The following CDH18 variants were observed in gnomAD, a reference collection of about 807,000 sequenced individuals.
CDH18 encodes cadherin 18.
A neutral mutation model predicts 67.9 loss-of-function variants in CDH18; 31 were observed. That is an observed-to-expected ratio of 0.46 (90% CI 0.34 to 0.62). The LOEUF is 0.62. Among genes scored for constraint, CDH18 ranks in the 20% least tolerant of loss-of-function variants. The pLI is 0.01. For synonymous variants in CDH18, 362 were observed against 347.2 expected, an observed-to-expected ratio of 1.04 and a Z score of -0.48; for missense variants, 890 against 975.5, an observed-to-expected ratio of 0.91 and a Z score of 1.17.
At chr5:19,931,343 A>G (rs999440133) in intron 2 of CDH18, among the ~76,000 whole-genome samples, 2 of 151,956 alleles carry the variant, frequency 1.3e-5, no homozygotes, top group Non-Finnish European at 1.5e-5. Flanking sequence ...TCTGTCTTAC[A>G]GTTCCTAAAT....
At position 19,590,953 on chromosome 5, in the gene CDH18, C is replaced by A. The variant is rs149882429; in HGVS notation, c.999+104G>T. 292 of 592,242 alleles carry A rather than the reference C, an allele frequency of 4.9e-4. 1 individual carries two copies. The African/African-American group carries it at 5.0e-3, about 10-fold the overall frequency. The allele number at this position is 592,242 out of a possible 1,614,324, so 36.7% of individuals were successfully genotyped here. A position where few individuals can be genotyped will look rare whatever the true frequency, so the allele number is the denominator to read the frequency against. On this transcript the variant is annotated intron_variant, in intron 7 of 12. Transcript: ENST00000382275. ...ATATCGCAAAGTGACAATATTTTAT[C>A]ATTTTAATGGCCTGACAGCGTGGAT...
intron 5 of CDH18, among the ~76,000 whole-genome samples, chr5:19,629,006 T>C (rs1374014587): frequency 2.0e-5 from 3 of 151,892 alleles, no homozygotes; most frequent in Non-Finnish European, 2.9e-5. Flanking sequence ...TTGCGATAAA[T>C]GCTGTTGCTA....
intron 1 of CDH18, among the ~76,000 whole-genome samples, chr5:20,461,087 C>T (rs1359000154): frequency 6.6e-6 from 1 of 152,180 alleles, no homozygotes; most frequent in Non-Finnish European, 1.5e-5. Flanking sequence ...AGCATCTGCT[C>T]TCCCTGACCT....
intron 3 of CDH18, among the ~76,000 whole-genome samples, chr5:19,764,353 A>G (rs943119666): frequency 3.3e-5 from 5 of 152,098 alleles, no homozygotes; most frequent in Admixed American, 2.0e-4. Flanking sequence ...AGAACTACCC[A>G]TAATTTGTTG....
chr5:20,150,372 C>T (rs113830524), intron 2 of CDH18, among the ~76,000 whole-genome samples: 47 of 151,984 alleles, frequency 3.1e-4, no homozygotes, highest in African/African-American at 1.1e-3. Context: ...AAAAAAGAGA[C>T]AGTAACATCA....
At chr5:20,566,935 C>T (rs1758546934) in intron 1 of CDH18, among the ~76,000 whole-genome samples, 1 of 152,152 alleles carries the variant, frequency 6.6e-6, no homozygotes, top group South Asian at 2.1e-4. Flanking sequence ...ATTACTTGTA[C>T]TCCAATTACC....
At chr5:20,403,272 T>A (rs565862533) in intron 1 of CDH18, among the ~76,000 whole-genome samples, 1 of 151,086 alleles carries the variant, frequency 6.6e-6, no homozygotes, top group African/African-American at 2.4e-5. Context: ...ATAGCCTTAA[T>A]TTTTTTTTTC....
At chr5:19,612,307 G>T in intron 6 of CDH18, 127 bp downstream of exon 6, 1 of 818,746 alleles carries the variant, frequency 1.2e-6, no homozygotes, top group Non-Finnish European at 1.9e-6. Context: ...GAAGAAGGGT[G>T]ATCATATAGT....
intron 8 of CDH18, among the ~76,000 whole-genome samples, chr5:19,570,336 CT>C (rs1741176378): frequency 6.6e-6 from 1 of 152,108 alleles, no homozygotes; most frequent in Non-Finnish European, 1.5e-5. Flanking sequence ...CAAGCATTAT[CT>C]AGCTCTTGCT....
chr5:19,497,438 A>G (rs2126717665), intron 11 of CDH18, among the ~76,000 whole-genome samples: 1 of 152,256 alleles, frequency 6.6e-6, no homozygotes, highest in African/African-American at 2.4e-5. Context: ...CAGTAATAAA[A>G]CCTAGGTCCA....
At chr5:19,668,441 G>A (rs1169787763) in intron 5 of CDH18, among the ~76,000 whole-genome samples, 1 of 151,860 alleles carries the variant, frequency 6.6e-6, no homozygotes, top group Non-Finnish European at 1.5e-5. Context: ...CTCTGTTTTA[G>A]GGCACTATGA....
intron 5 of CDH18, among the ~76,000 whole-genome samples, chr5:19,629,816 T>C (rs1218948228): frequency 6.6e-6 from 1 of 152,148 alleles, no homozygotes; most frequent in African/African-American, 2.4e-5. Flanking sequence ...CTTTTCACAC[T>C]ATATAGGGAT....
chr5:19,889,577 T>C (rs1385385642), intron 2 of CDH18, among the ~76,000 whole-genome samples: 1 of 152,122 alleles, frequency 6.6e-6, no homozygotes, highest in East Asian at 1.9e-4. Context: ...CAGAAGAATT[T>C]ATCTTAAAAT....
intron 8 of CDH18, among the ~76,000 whole-genome samples, chr5:19,561,527 GA>G (rs1287058752): frequency 1.3e-5 from 2 of 151,990 alleles, no homozygotes; most frequent in Non-Finnish European, 2.9e-5. Flanking sequence ...TGAGGGTGAG[GA>G]ATAAACACTA....
intron 8 of CDH18, among the ~76,000 whole-genome samples, chr5:19,565,155 T>C (rs1430918819): frequency 1.3e-5 from 2 of 152,076 alleles, no homozygotes; most frequent in Non-Finnish European, 2.9e-5. Flanking sequence ...CCTGGCTGGA[T>C]TCACTCCTTG....
intron 1 of CDH18, among the ~76,000 whole-genome samples, chr5:20,299,611 T>C (rs573758941): frequency 6.6e-6 from 1 of 151,750 alleles, no homozygotes; most frequent in Non-Finnish European, 1.5e-5. Flanking sequence ...ATACAAAAAT[T>C]AGCCGGGCGT....
intron 3 of CDH18, among the ~76,000 whole-genome samples, chr5:19,767,212 T>C (rs1773207416): frequency 6.6e-6 from 1 of 151,998 alleles, no homozygotes; most frequent in South Asian, 2.1e-4. Context: ...TAAATCTCAA[T>C]TTAAACAGAC....
intron 1 of CDH18, among the ~76,000 whole-genome samples, chr5:20,445,732 C>A (rs1581012572): frequency 1.3e-5 from 2 of 152,168 alleles, no homozygotes; most frequent in African/African-American, 4.8e-5. Flanking sequence ...ACTGAGAATT[C>A]TGCATTGGAA....
At chr5:19,949,609 C>T (rs948356059) in intron 2 of CDH18, among the ~76,000 whole-genome samples, 1 of 152,006 alleles carries the variant, frequency 6.6e-6, no homozygotes, top group African/African-American at 2.4e-5. Flanking sequence ...TCTTTCTTTT[C>T]GTAATTGAAT....
Sources: gnomAD v4.1 joint callset for allele counts (sites outside exome capture counted in the v4.1 genomes callset) on GRCh38, gnomAD v4.1.1 for gene constraint, MANE v1.5 for transcripts, NCBI Gene and HGNC (gene_info 2026-07-23, HGNC 2026-07-21) for gene names.